The following BFSP2 variants were observed in gnomAD, a reference collection of about 807,000 sequenced individuals.
The protein encoded by BFSP2 is phakinin.
Under a neutral mutation model 44.9 loss-of-function variants are expected in BFSP2, and 38 were observed. That is an observed-to-expected ratio of 0.85 (90% CI 0.65 to 1.11). BFSP2 has a LOEUF of 1.11. Ranked by LOEUF, BFSP2 falls within the 50% of genes least tolerant of loss-of-function variation. The pLI is 0.00. For synonymous variants in BFSP2, 197 were observed against 209.9 expected (o/e 0.94, Z 0.53); for missense variants, 525 against 533.0 (o/e 0.99, Z 0.15).
intron 1 of BFSP2, among the ~76,000 whole-genome samples, chr3:133,434,547 G>A (rs984393140): frequency 1.3e-5 from 2 of 152,062 alleles, no homozygotes; most frequent in African/African-American, 4.8e-5. Context: ...AGGCCTCTGA[G>A]CCCAAGCCAA....
chr3:133,473,461 G>C (rs1305641381), intron 6 of BFSP2, among the ~76,000 whole-genome samples: 9 of 144,106 alleles, frequency 6.2e-5, no homozygotes, highest in African/African-American at 1.8e-4. Flanking sequence ...AAAAAAAAAG[G>C]CTTTTTCTTT....
chr3:133,415,057 T>C (rs2073503893), intron 1 of BFSP2, among the ~76,000 whole-genome samples: 1 of 131,082 alleles, frequency 7.6e-6, no homozygotes, highest in African/African-American at 3.0e-5. Flanking sequence ...TATTCACTCC[T>C]GTCCTCTCCC....
chr3:133,438,135 A>G (rs965002289), intron 1 of BFSP2, among the ~76,000 whole-genome samples: 1 of 152,222 alleles, frequency 6.6e-6, no homozygotes, highest in East Asian at 1.9e-4. Context: ...GTGGAGGGTG[A>G]GTAAGTTAAA....
chr3:133,402,029 T>C (rs1006725484), intron 1 of BFSP2, among the ~76,000 whole-genome samples: 8 of 152,186 alleles, frequency 5.3e-5, no homozygotes, highest in African/African-American at 9.7e-5. Context: ...TCCAGGGCCT[T>C]AACGCCTGTC....
intron 4 of BFSP2, among the ~76,000 whole-genome samples, chr3:133,456,723 C>A (rs2074016253): frequency 6.6e-6 from 1 of 152,026 alleles, no homozygotes; most frequent in South Asian, 2.1e-4. Context: ...TGCACTCCAG[C>A]CTGGACAACA....
At chr3:133,447,535 A>G (rs1342797773) in intron 2 of BFSP2, 136 bp downstream of exon 2, 1 of 927,452 alleles carries the variant, frequency 1.1e-6, no homozygotes, top group Non-Finnish European at 1.6e-6. Flanking sequence ...AGCCATGATT[A>G]TCCAGCTCAC....
At chr3:133,437,358 T>C (rs2073797343) in intron 1 of BFSP2, among the ~76,000 whole-genome samples, 1 of 152,042 alleles carries the variant, frequency 6.6e-6, no homozygotes, top group South Asian at 2.1e-4. Flanking sequence ...ACCCTGTCTC[T>C]ACTAAAAATA....
At chr3:133,447,683 C>T (rs1261257013) in intron 2 of BFSP2, among the ~76,000 whole-genome samples, 1 of 152,178 alleles carries the variant, frequency 6.6e-6, no homozygotes, top group Admixed American at 6.5e-5. Context: ...GATTGCTGCG[C>T]CCCACCCTGT....
chr3:133,469,333 C>T (rs549004770), intron 5 of BFSP2, among the ~76,000 whole-genome samples: 9 of 152,320 alleles, frequency 5.9e-5, no homozygotes, highest in Non-Finnish European at 1.0e-4. Context: ...TCTGTCAGAG[C>T]GATCTGTGCA....
rs765296551 is a variant in BFSP2 at position 133,468,186 on chromosome 3, T to C, written c.1023+1227T>C. On this transcript the variant is annotated intron_variant, in intron 5 of 6. Transcript: ENST00000302334. ...AGATATGGTCCCTGCCTCCAAAGAG[T>C]TAATGTGGCTTCGGTGGAGGAGCTG... Among the ~76,000 whole-genome samples, 9 of 151,130 alleles carry C rather than the reference T, an allele frequency of 6.0e-5. No homozygotes were observed. In the South Asian group the frequency reaches 8.4e-4, roughly 14 times the overall value.
At chr3:133,467,513 T>A (rs1438644243) in intron 5 of BFSP2, among the ~76,000 whole-genome samples, 1 of 151,884 alleles carries the variant, frequency 6.6e-6, no homozygotes, top group Non-Finnish European at 1.5e-5. Context: ...GATTTGCGAG[T>A]TCCAGGATCC....
chr3:133,415,511 A>C (rs888420586), intron 1 of BFSP2, among the ~76,000 whole-genome samples: 128 of 18,342 alleles, frequency 7.0e-3, no homozygotes, highest in Non-Finnish European at 8.0e-3. Flanking sequence ...CTCCCTATTC[A>C]CCCCGTCCTC....
chr3:133,440,291 T>C (rs2073832775), intron 1 of BFSP2, among the ~76,000 whole-genome samples: 1 of 152,146 alleles, frequency 6.6e-6, no homozygotes, highest in Non-Finnish European at 1.5e-5. Flanking sequence ...TTATGGGAGC[T>C]ACAATTCAAG....
At chr3:133,412,797 C>T (rs2073469381) in intron 1 of BFSP2, among the ~76,000 whole-genome samples, 1 of 152,196 alleles carries the variant, frequency 6.6e-6, no homozygotes, top group South Asian at 2.1e-4. Context: ...ACCAGACAGG[C>T]TCCAGGTTTC....
chr3:133,454,565 A>C (rs2073996071), intron 4 of BFSP2, among the ~76,000 whole-genome samples: 1 of 152,196 alleles, frequency 6.6e-6, no homozygotes, highest in Non-Finnish European at 1.5e-5. Context: ...ACTTCGGATG[A>C]ACTGGCTATA....
At chr3:133,439,928 C>CAG (rs113298744) in intron 1 of BFSP2, among the ~76,000 whole-genome samples, 10,716 of 150,686 alleles carry the variant, frequency 0.071, 1,261 homozygotes, top group African/African-American at 0.25. Context: ...CAGAGACAGA[C>CAG]AGAGAGAGAG....
At chr3:133,423,395 A>G (rs1370605807) in intron 1 of BFSP2, among the ~76,000 whole-genome samples, 1 of 152,202 alleles carries the variant, frequency 6.6e-6, no homozygotes, top group African/African-American at 2.4e-5. Context: ...AACACTTAGC[A>G]TAGTGCTTGC....
chr3:133,454,818 C>G (rs1160840589), intron 4 of BFSP2, among the ~76,000 whole-genome samples: 1 of 152,238 alleles, frequency 6.6e-6, no homozygotes, highest in East Asian at 1.9e-4. Context: ...ACACGTCATA[C>G]AGCTATACAA....
At chr3:133,413,614 T>C (rs2073477039) in intron 1 of BFSP2, among the ~76,000 whole-genome samples, 1 of 152,092 alleles carries the variant, frequency 6.6e-6, no homozygotes, top group African/African-American at 2.4e-5. Flanking sequence ...ACCTAGTTTA[T>C]TGTCGTCTGG....
Sources: allele counts gnomAD v4.1 joint callset (sites outside exome capture counted in the v4.1 genomes callset), GRCh38; gene constraint gnomAD v4.1.1; transcripts MANE v1.5; gene names NCBI Gene and HGNC (gene_info 2026-07-23, HGNC 2026-07-21).